LRP1B: variants seen among roughly 807,000 people sequenced by gnomAD.
The protein encoded by LRP1B is low-density lipoprotein receptor-related protein 1B.
LRP1B carries 217 observed loss-of-function variants against 556.6 expected under a neutral mutation model. That is an observed-to-expected ratio of 0.39 (90% CI 0.35 to 0.44). The LOEUF is 0.44. Ranked by LOEUF, LRP1B falls within the 20% of genes least tolerant of loss-of-function variation. The probability of loss-of-function intolerance (pLI) is 1.00; values close to 1 mark genes in which losing one functional copy is unlikely to be tolerated. For synonymous variants in LRP1B, 2,047 were observed against 1,865.8 expected (o/e 1.10, Z -2.50); for missense variants, 5,053 against 5,620.8 (o/e 0.90, Z 3.23).
At chr2:140,944,353 G>T (rs1333455567) in intron 20 of LRP1B, among the ~76,000 whole-genome samples, 1 of 152,036 alleles carries the variant, frequency 6.6e-6, no homozygotes, top group East Asian at 1.9e-4. Context: ...AGAAGAACAG[G>T]TACCAATCCT....
intron 55 of LRP1B, 144 bp from the exon 56 acceptor site, chr2:140,495,892 G>A (rs977354454): frequency 1.6e-6 from 1 of 611,184 alleles, no homozygotes; most frequent in Non-Finnish European, 2.8e-6. Flanking sequence ...GACCTTTGAT[G>A]GGAATTATGT....
At chr2:140,356,604 C>T (rs769760323) in intron 74 of LRP1B, 128 bp from the exon 75 acceptor site, 79 of 620,388 alleles carry the variant, frequency 1.3e-4, no homozygotes, top group Non-Finnish European at 1.9e-4. Context: ...TACAAGGTTA[C>T]GGTCTTCTCT....
At chr2:142,029,389 C>G (rs1261214107) in intron 1 of LRP1B, among the ~76,000 whole-genome samples, 4 of 151,914 alleles carry the variant, frequency 2.6e-5, no homozygotes, top group Admixed American at 2.0e-4. Context: ...ACATGTCTAA[C>G]TCTTACTGAT....
intron 3 of LRP1B, among the ~76,000 whole-genome samples, chr2:141,397,191 G>T (rs1009251122): frequency 7.0e-6 from 1 of 143,456 alleles, no homozygotes; most frequent in Non-Finnish European, 1.5e-5. Flanking sequence ...ATGGTACTTT[G>T]TGTTTCGTCT....
Position 141,074,544 on chromosome 2 carries a change from A to G in LRP1B, c.1014-12271T>C, listed in dbSNP as rs1262943029. Among the ~76,000 whole-genome samples the G allele has an allele frequency of 4.2e-5, 6 of 144,450 alleles. 1 individual carries two copies. The East Asian group carries it at 1.2e-3, about 30-fold the overall frequency. The allele number at this position is 144,450 out of a possible 152,430, so 94.8% of individuals were successfully genotyped here. On this transcript the variant is annotated intron_variant, in intron 7 of 90. Transcript: ENST00000389484. ...ACTTAGCCATATGTCTGCACATACT[A>G]AGTTCTTTCTCTTTCTGTCTCTCTG...
At chr2:142,017,169 T>C (rs1011488716) in intron 1 of LRP1B, among the ~76,000 whole-genome samples, 6 of 151,856 alleles carry the variant, frequency 4.0e-5, no homozygotes, top group African/African-American at 1.2e-4. Context: ...AGACAAAAAA[T>C]TGAAATATTA....
rs530382718 is a variant in LRP1B, at chr2:141,163,474, G to A, written c.1013+24947C>T. Among the ~76,000 whole-genome samples the A allele has an allele frequency of 1.1e-4, 16 of 152,058 alleles. No individual in the cohort carries two copies. The South Asian group carries it at 1.7e-3, about 16-fold the overall frequency. On this transcript the variant is annotated intron_variant, in intron 7 of 90. Coordinates refer to ENST00000389484, the MANE Select transcript of LRP1B (RefSeq NM_018557.3). Reference sequence around the variant, plus strand: ...ACTGGATTGCATAAGGAAGATGCCCGGAAAAAGTCAGGATTACAATCTTGG... The same window carrying A: ...ACTGGATTGCATAAGGAAGATGCCCAGAAAAAGTCAGGATTACAATCTTGG...
At chr2:141,716,613 T>A (rs914017070) in intron 2 of LRP1B, among the ~76,000 whole-genome samples, 2 of 152,132 alleles carry the variant, frequency 1.3e-5, no homozygotes, top group African/African-American at 4.8e-5. Flanking sequence ...TCACCAAACA[T>A]GCTCAAAGAA....
At chr2:141,712,776 T>A (rs929689590) in intron 2 of LRP1B, among the ~76,000 whole-genome samples, 1 of 151,376 alleles carries the variant, frequency 6.6e-6, no homozygotes, top group Non-Finnish European at 1.5e-5. Context: ...TTCAACTGAA[T>A]CTCCTGCCTC....
At chr2:141,113,962 TC>T (rs1700817419) in intron 7 of LRP1B, among the ~76,000 whole-genome samples, 1 of 152,260 alleles carries the variant, frequency 6.6e-6, no homozygotes, top group Non-Finnish European at 1.5e-5. Flanking sequence ...TCCCCGAAAT[TC>T]TAAATAGCAT....
chr2:140,955,251 TTAACA>T (rs1264815971), intron 18 of LRP1B, among the ~76,000 whole-genome samples: 1 of 151,930 alleles, frequency 6.6e-6, no homozygotes, highest in Non-Finnish European at 1.5e-5. Flanking sequence ...TAAAATAAAT[TTAACA>T]TTTTTCCTGT....
At chr2:141,774,100 C>A (rs1326282315) in intron 2 of LRP1B, among the ~76,000 whole-genome samples, 1 of 152,150 alleles carries the variant, frequency 6.6e-6, no homozygotes, top group Middle Eastern at 3.2e-3. Flanking sequence ...GCAGAAATCA[C>A]AATTAAAATC....
chr2:141,665,803 A>G (rs1387620526), intron 2 of LRP1B, among the ~76,000 whole-genome samples: 2 of 152,186 alleles, frequency 1.3e-5, no homozygotes, highest in Non-Finnish European at 2.9e-5. Flanking sequence ...AGAAGCCATT[A>G]TCCTCAGCAA....
chr2:141,724,839 T>C (rs1327587484), intron 2 of LRP1B, among the ~76,000 whole-genome samples: 5 of 152,014 alleles, frequency 3.3e-5, no homozygotes, highest in Admixed American at 1.3e-4. Flanking sequence ...AAATTATGCA[T>C]TTGTATTCCA....
chr2:141,255,208 T>C (rs1261408309), intron 3 of LRP1B, among the ~76,000 whole-genome samples: 1 of 151,984 alleles, frequency 6.6e-6, no homozygotes, highest in Non-Finnish European at 1.5e-5. Flanking sequence ...GGATTGAATA[T>C]GATAAAAGCA....
At chr2:141,321,182 C>T (rs533886539) in intron 3 of LRP1B, among the ~76,000 whole-genome samples, 1 of 152,170 alleles carries the variant, frequency 6.6e-6, no homozygotes, top group Admixed American at 6.5e-5. Context: ...CCTCAGTACT[C>T]TTGAAGCTTT....
intron 1 of LRP1B, among the ~76,000 whole-genome samples, chr2:141,985,181 T>G (rs1165362673): frequency 6.6e-6 from 1 of 152,104 alleles, no homozygotes. Context: ...AAAATGCTCT[T>G]TGTTTAAAAA....
intron 3 of LRP1B, among the ~76,000 whole-genome samples, chr2:141,413,063 C>CA (rs992077215): frequency 5.3e-5 from 8 of 151,974 alleles, no homozygotes; most frequent in African/African-American, 1.9e-4. Context: ...CCCATCTCTA[C>CA]AAAAATGTTT....
In LRP1B at chr2:141,810,668, G is replaced by C. The variant is rs916132270; in HGVS notation, c.83-267C>G. Among the ~76,000 whole-genome samples, 7 of 152,136 alleles carry C rather than the reference G, an allele frequency of 4.6e-5. No individual in the cohort carries two copies. In the South Asian group the frequency reaches 1.0e-3, roughly 23 times the overall value. ...AAAATTCTGTTCCTGTTCATGACTA[G>C]GGGCTTTATCGGATCAAAGATGGAA... On this transcript the variant is annotated intron_variant, in intron 1 of 90. Coordinates refer to ENST00000389484, the MANE Select transcript of LRP1B (RefSeq NM_018557.3).
Sources: gnomAD v4.1 joint callset for allele counts (sites outside exome capture counted in the v4.1 genomes callset) on GRCh38, gnomAD v4.1.1 for gene constraint, MANE v1.5 for transcripts, NCBI Gene and HGNC (gene_info 2026-07-23, HGNC 2026-07-21) for gene names.